The following ST7L variants were observed in gnomAD, a reference collection of about 807,000 sequenced individuals.
ST7L encodes suppression of tumorigenicity 7 like.
A neutral mutation model predicts 72.5 loss-of-function variants in ST7L; 57 were observed. The observed-to-expected ratio is 0.79, with a 90% CI of 0.64 to 0.98. ST7L has a LOEUF of 0.98. Ranked by LOEUF, ST7L falls within the 50% of genes least tolerant of loss-of-function variation. The pLI, the probability that ST7L is intolerant of heterozygous loss-of-function variation, is 0.00. For synonymous variants in ST7L, 221 were observed against 240.9 expected (o/e 0.92, Z 0.77); for missense variants, 576 against 672.2 (o/e 0.86, Z 1.58).
At chr1:112,580,568 G>A (rs1663936288) in intron 9 of ST7L, among the ~76,000 whole-genome samples, 1 of 152,172 alleles carries the variant, frequency 6.6e-6, no homozygotes, top group African/African-American at 2.4e-5. Flanking sequence ...AAGAAGGGAG[G>A]CTTTATGTCT....
chr1:112,565,047 T>C (rs1660755024), intron 11 of ST7L, among the ~76,000 whole-genome samples: 2 of 150,570 alleles, frequency 1.3e-5, no homozygotes, highest in African/African-American at 4.9e-5. Context: ...TTTTTATTTA[T>C]TATTATTATT....
downstream of ST7L, chr1:112,520,434 C>A: frequency 6.2e-7 from 1 of 1,614,166 alleles, no homozygotes. Context: ...CTGTACGGTG[C>A]AAGGAATGCA....
At chr1:112,576,782 G>A (rs929449707) in intron 11 of ST7L, among the ~76,000 whole-genome samples, 1 of 152,110 alleles carries the variant, frequency 6.6e-6, no homozygotes, top group Non-Finnish European at 1.5e-5. Flanking sequence ...TAATTACAAA[G>A]CATATAGCTA....
intron 14 of ST7L, among the ~76,000 whole-genome samples, chr1:112,539,533 G>C (rs1355244736): frequency 6.6e-6 from 1 of 152,024 alleles, no homozygotes; most frequent in Non-Finnish European, 1.5e-5. Flanking sequence ...GCACGTGCCT[G>C]TAGTCCCAGC....
intron 14 of ST7L, chr1:112,526,836 G>A (rs994239743): frequency 6.6e-6 from 1 of 152,124 alleles, no homozygotes; most frequent in Non-Finnish European, 1.5e-5. Context: ...AGCAAGATGA[G>A]GGAATAAGTG....
At chr1:112,618,542 C>CA (rs936092814) in intron 1 of ST7L, among the ~76,000 whole-genome samples, 24 of 152,186 alleles carry the variant, frequency 1.6e-4, no homozygotes, top group Admixed American at 1.4e-3. Context: ...GCGGGAGACT[C>CA]AAAGTAGTGA....
intron 14 of ST7L, chr1:112,540,173 C>A (rs1036257944): frequency 1.0e-6 from 1 of 985,300 alleles, no homozygotes; most frequent in African/African-American, 1.7e-5. Flanking sequence ...TGGTATAGAT[C>A]TATTCCAGAT....
At chr1:112,612,752 T>C (rs114607274) in intron 2 of ST7L, among the ~76,000 whole-genome samples, 2 of 152,034 alleles carry the variant, frequency 1.3e-5, no homozygotes, top group African/African-American at 4.8e-5. Context: ...AGAAGTGAGA[T>C]AAAACTTCTT....
intron 1 of ST7L, chr1:112,618,669 A>G (rs1417083499): frequency 2.5e-6 from 2 of 796,984 alleles, no homozygotes; most frequent in Admixed American, 3.3e-5. Context: ...TTTTCCATGG[A>G]AAAACGAGGA....
At chr1:112,585,470 C>T (rs763979640) in intron 6 of ST7L, among the ~76,000 whole-genome samples, 9 of 152,122 alleles carry the variant, frequency 5.9e-5, no homozygotes, top group African/African-American at 2.2e-4. Flanking sequence ...GGGCCGGGCG[C>T]GGTGGCTCAT....
At chr1:112,556,056 G>GA (rs768048504) in intron 11 of ST7L, 38 bp from the exon 12 acceptor site, 1 of 1,347,156 alleles carries the variant, frequency 7.4e-7, no homozygotes, top group Non-Finnish European at 9.7e-7. Context: ...ACACACAACA[G>GA]AAAAAAGAAA....
At chr1:112,546,871 A>C (rs1264860302) in intron 13 of ST7L, among the ~76,000 whole-genome samples, 1 of 151,844 alleles carries the variant, frequency 6.6e-6, no homozygotes, top group Non-Finnish European at 1.5e-5. Flanking sequence ...ATACCTATAT[A>C]TTATTTAGAG....
intron 2 of ST7L, among the ~76,000 whole-genome samples, chr1:112,611,651 G>T (rs1028674279): frequency 2.0e-5 from 3 of 152,086 alleles, no homozygotes; most frequent in Non-Finnish European, 4.4e-5. Flanking sequence ...TATAAAAAGA[G>T]AAACCAGGCC....
At chr1:112,579,188 A>G (rs1571144230) in intron 9 of ST7L, among the ~76,000 whole-genome samples, 3 of 151,904 alleles carry the variant, frequency 2.0e-5, no homozygotes, top group African/African-American at 7.2e-5. Flanking sequence ...TTCGAGACCA[A>G]CCTGGCCAAC....
At chr1:112,591,634 G>A (rs780167871) in intron 5 of ST7L, 31 bp from the exon 6 acceptor site, 2 of 1,558,408 alleles carry the variant, frequency 1.3e-6, no homozygotes, top group Non-Finnish European at 1.7e-6. Context: ...AAATAGATGA[G>A]ATGGTAAAAA....
At chr1:112,603,853 C>T (rs1381226272) in intron 3 of ST7L, among the ~76,000 whole-genome samples, 1 of 152,122 alleles carries the variant, frequency 6.6e-6, no homozygotes, top group African/African-American at 2.4e-5. Flanking sequence ...GCCTTCCTGT[C>T]TTATCAGGTT....
In ST7L at chr1:112,577,033, C is replaced by G; in HGVS notation, c.1198G>C (p.Val400Leu). 6.2e-7 allele frequency: 1 copy of G among 1,610,120 alleles called. No individual in the cohort carries two copies. The highest frequency in any genetic ancestry group is 8.5e-7 in the Non-Finnish European group (1 of 1,177,674). ...TCCACAGCTCTATGAATTGCTTCCA[C>G]GGCATTAATTTCTGCTGTGCTTAAT... is the stretch of plus-strand genomic sequence containing the variant. ...RGLSTAEINAVEAIHRAVEFN... is the reference protein window; with the variant it reads ...RGLSTAEINALEAIHRAVEFN... Residue 400 changes from valine to leucine, a missense_variant, in exon 11 of 15, where the codon GTG (valine) becomes CTG (leucine). Physicochemically the swap from Val to Leu is conservative, Grantham distance 32 (BLOSUM62 1). Coordinates refer to ENST00000358039, the MANE Select transcript of ST7L (RefSeq NM_017744.5).
At chr1:112,521,328 T>C (rs1017926248), downstream of ST7L, 1 of 143,360 alleles carries the variant, frequency 7.0e-6, no homozygotes, top group Non-Finnish European at 1.5e-5. Flanking sequence ...TTTTTTTTTT[T>C]TTTCTTTTCT....
chr1:112,597,107 T>C (rs978319685), intron 5 of ST7L, among the ~76,000 whole-genome samples: 1 of 152,166 alleles, frequency 6.6e-6, no homozygotes, highest in Non-Finnish European at 1.5e-5. Flanking sequence ...CAAATAAATG[T>C]TTGTGGCTGA....
Sources: allele counts gnomAD v4.1 joint callset (sites outside exome capture counted in the v4.1 genomes callset), GRCh38; gene constraint gnomAD v4.1.1; transcripts MANE v1.5; gene names NCBI Gene and HGNC (gene_info 2026-07-23, HGNC 2026-07-21).